Variants in SLC4A4 observed in about 807,000 individuals in gnomAD.
The protein encoded by SLC4A4 is solute carrier family 4 member 4, also known as electrogenic sodium bicarbonate cotransporter 1.
In SLC4A4, 27 loss-of-function variants were observed where a neutral mutation model predicts 111.5. The ratio of observed to expected loss-of-function variants is 0.24; its 90% CI spans 0.18 to 0.33. SLC4A4 has a LOEUF of 0.33. SLC4A4 is among the 10% of genes least tolerant of loss of function. The pLI is 1.00. For missense variants in SLC4A4, 909 were observed against 1,315.5 expected (o/e 0.69, Z 4.78); for synonymous variants, 443 against 463.4 (o/e 0.96, Z 0.57).
At chr4:71,329,221 A>G (rs1425778731) in intron 3 of SLC4A4, among the ~76,000 whole-genome samples, 1 of 151,994 alleles carries the variant, frequency 6.6e-6, no homozygotes, top group East Asian at 1.9e-4. Context: ...TGGTTACTGT[A>G]GGTCTATAGT....
chr4:71,155,146 A>G (rs957674805), intron 2 of SLC4A4, among the ~76,000 whole-genome samples: 1 of 151,976 alleles, frequency 6.6e-6, no homozygotes, highest in Non-Finnish European at 1.5e-5. Context: ...TAACGTTGAA[A>G]AAGTTTGAAA....
chr4:71,372,064 A>G (rs142133686), intron 6 of SLC4A4, among the ~76,000 whole-genome samples: 2 of 152,392 alleles, frequency 1.3e-5, no homozygotes, highest in East Asian at 1.9e-4. Context: ...AAAAACTGCC[A>G]GAATATTAGC....
At chr4:71,297,493 T>TACACACACACAGACAAACAC (rs1175480404) in intron 3 of SLC4A4, among the ~76,000 whole-genome samples, 39 of 135,768 alleles carry the variant, frequency 2.9e-4, no homozygotes, top group Admixed American at 1.4e-3. Flanking sequence ...TCTGGCTTGA[T>TACACACACACAGACAAACAC]ACACACACAC....
chr4:71,520,751 T>A (rs1732853606), intron 16 of SLC4A4, among the ~76,000 whole-genome samples: 1 of 152,230 alleles, frequency 6.6e-6, no homozygotes. Context: ...TCTTTGTGGA[T>A]GATTCACAAT....
chr4:71,424,109 A>G (rs1399314617), intron 7 of SLC4A4, among the ~76,000 whole-genome samples: 1 of 152,146 alleles, frequency 6.6e-6, no homozygotes, highest in Non-Finnish European at 1.5e-5. Flanking sequence ...AAGGGCTAAT[A>G]TCCAGAATCT....
At chr4:71,157,273 G>A (rs984864818) in intron 2 of SLC4A4, among the ~76,000 whole-genome samples, 1 of 152,078 alleles carries the variant, frequency 6.6e-6, no homozygotes, top group African/African-American at 2.4e-5. Flanking sequence ...TTAGTAGTGT[G>A]TGTAATAAAG....
At position 71,450,472 on chromosome 4, in the gene SLC4A4, C is replaced by T; in HGVS notation, c.1137C>T (p.Val379=). 6.2e-7 allele frequency: 1 copy of T among 1,613,628 alleles called. No individual in the cohort carries two copies. ...GIDEFLDEVI[V]LPPGEWDPAI... ...ATGAGTTCCTAGATGAAGTCATCGT[C>T]CTTCCACCTGGGGAATGGGATCCAG... is the stretch of plus-strand genomic sequence containing the variant. Residue 379 remains valine, a synonymous_variant, in exon 10 of 26, where the codon GTC becomes GTT. Coordinates refer to ENST00000264485, the MANE Select transcript of SLC4A4 (RefSeq NM_001098484.3).
At chr4:71,141,383 C>T (rs1233625200) in intron 2 of SLC4A4, among the ~76,000 whole-genome samples, 1 of 152,158 alleles carries the variant, frequency 6.6e-6, no homozygotes, top group Non-Finnish European at 1.5e-5. Context: ...TCTTTTAAGG[C>T]TCATTTTCCA....
At chr4:71,069,199 C>T (rs1284863540) in intron 1 of SLC4A4, among the ~76,000 whole-genome samples, 1 of 152,146 alleles carries the variant, frequency 6.6e-6, no homozygotes, top group Non-Finnish European at 1.5e-5. Context: ...TAAAAGTAGT[C>T]ATGTGACCAA....
At chr4:71,562,542 A>T (rs1199234287) in intron 23 of SLC4A4, among the ~76,000 whole-genome samples, 1 of 151,544 alleles carries the variant, frequency 6.6e-6, no homozygotes, top group Non-Finnish European at 1.5e-5. Context: ...GTTGGTTTAA[A>T]ATTTGTTTTA....
chr4:71,462,405 ACCT>A, intron 12 of SLC4A4, among the ~76,000 whole-genome samples: 1 of 144,888 alleles, frequency 6.9e-6, no homozygotes, highest in South Asian at 2.2e-4. Flanking sequence ...ATCCAGTCCA[ACCT>A]CCTCATCTTT....
chr4:71,418,362 G>T (rs1722009700), intron 7 of SLC4A4, among the ~76,000 whole-genome samples: 1 of 152,188 alleles, frequency 6.6e-6, no homozygotes, highest in Admixed American at 6.5e-5. Context: ...ACAAGTAGAA[G>T]AGTATTCAAA....
At chr4:71,501,823 C>T (rs558941195) in intron 16 of SLC4A4, among the ~76,000 whole-genome samples, 7 of 151,442 alleles carry the variant, frequency 4.6e-5, no homozygotes, top group African/African-American at 1.7e-4. Context: ...CACCATGGGA[C>T]CTGGCTAATT....
At chr4:71,381,435 GTTA>G (rs1258146137) in intron 6 of SLC4A4, among the ~76,000 whole-genome samples, 1 of 152,050 alleles carries the variant, frequency 6.6e-6, no homozygotes, top group South Asian at 2.1e-4. Context: ...GGTTATATTT[GTTA>G]TTATTATAAT....
chr4:71,264,661 A>T (rs1457577531), intron 3 of SLC4A4, among the ~76,000 whole-genome samples: 2 of 152,158 alleles, frequency 1.3e-5, no homozygotes, highest in African/African-American at 2.4e-5. Flanking sequence ...ATGCATGAGC[A>T]ACTATAAAAT....
At chr4:71,339,584 T>G in intron 4 of SLC4A4, 79 bp downstream of exon 4, 2 of 1,427,144 alleles carry the variant, frequency 1.4e-6, no homozygotes, top group Non-Finnish European at 2.0e-6. Flanking sequence ...GGAGTGCCGT[T>G]CTTTAGCCTT....
At chr4:71,110,461 C>T (rs578084578) in intron 2 of SLC4A4, among the ~76,000 whole-genome samples, 2 of 152,278 alleles carry the variant, frequency 1.3e-5, no homozygotes, top group South Asian at 4.2e-4. Context: ...CCACCATGGT[C>T]TCCCAAAGTG....
intron 7 of SLC4A4, among the ~76,000 whole-genome samples, chr4:71,424,291 A>T (rs1398951437): frequency 2.0e-5 from 3 of 152,078 alleles, no homozygotes; most frequent in Non-Finnish European, 2.9e-5. Flanking sequence ...CCACAATGAG[A>T]TATCATCTCA....
In SLC4A4 at chr4:71,115,350, A is replaced by T. The variant is rs145388200; in HGVS notation, c.-2+22558A>T. Among the ~76,000 whole-genome samples the T allele has an allele frequency of 8.8e-3, 1,345 of 152,266 alleles. 15 individuals carry two copies. Among genetic ancestry groups the T allele is most frequent in the African/African-American group, 0.029 (1,222 of 41,558 alleles). On this transcript the variant is annotated intron_variant, in intron 2 of 26. Transcript: ENST00000649996. Reference sequence around the variant, plus strand: ...TTAAAGTGTAATAATAAAAAATAAAAAAATAAATAAAAAAGAAGGAAACAC... The same window carrying T: ...TTAAAGTGTAATAATAAAAAATAAATAAATAAATAAAAAAGAAGGAAACAC...
Sources: gnomAD v4.1 joint callset for allele counts (sites outside exome capture counted in the v4.1 genomes callset) on GRCh38, gnomAD v4.1.1 for gene constraint, MANE v1.5 for transcripts, NCBI Gene and HGNC (gene_info 2026-07-23, HGNC 2026-07-21) for gene names.